The following CABLES1 variants were observed in gnomAD, a reference collection of about 807,000 sequenced individuals.
CABLES1 encodes CDK5 and ABL1 enzyme substrate 1.
A neutral mutation model predicts 57.8 loss-of-function variants in CABLES1; 36 were observed. The ratio of observed to expected loss-of-function variants is 0.62; its 90% CI spans 0.48 to 0.82. The LOEUF (loss-of-function observed/expected upper bound fraction) is 0.82. CABLES1 is among the 40% of genes least tolerant of loss of function. The pLI is 0.00. For synonymous variants in CABLES1, 374 were observed against 363.0 expected (o/e 1.03, Z -0.35); for missense variants, 767 against 836.6 (o/e 0.92, Z 1.03).
At chr18:23,237,074 T>G (rs2047623251) in intron 6 of CABLES1, 68 bp from the exon 7 acceptor site, 1 of 932,072 alleles carries the variant, frequency 1.1e-6, no homozygotes, top group Non-Finnish European at 1.8e-6. Flanking sequence ...GGCATTCTCC[T>G]GGCTGTCTCT....
intron 1 of CABLES1, among the ~76,000 whole-genome samples, chr18:23,139,116 G>A (rs1274187577): frequency 6.6e-6 from 1 of 151,862 alleles, no homozygotes; most frequent in African/African-American, 2.4e-5. Context: ...TTAGAATGTC[G>A]GGCCGGGTGT....
At chr18:23,248,053 A>T (rs1395900869) in intron 7 of CABLES1, among the ~76,000 whole-genome samples, 1 of 152,216 alleles carries the variant, frequency 6.6e-6, no homozygotes, top group Non-Finnish European at 1.5e-5. Context: ...TGTAAAAAAG[A>T]CAGAGCCTCT....
intron 9 of CABLES1, among the ~76,000 whole-genome samples, chr18:23,255,940 A>G (rs569042825): frequency 3.5e-4 from 54 of 152,304 alleles, no homozygotes; most frequent in African/African-American, 1.1e-3. Flanking sequence ...GTTGAGCAAT[A>G]TACCACACAG....
chr18:23,171,842 C>T (rs542973828), intron 1 of CABLES1, among the ~76,000 whole-genome samples: 5 of 152,330 alleles, frequency 3.3e-5, no homozygotes, highest in East Asian at 1.9e-4. Context: ...GCCTGCATTC[C>T]GAGCTCTGGC....
intron 3 of CABLES1, among the ~76,000 whole-genome samples, chr18:23,207,475 A>G (rs2047372489): frequency 6.6e-6 from 1 of 152,158 alleles, no homozygotes. Context: ...CACTTGCTCC[A>G]GGAAGCCCAC....
At chr18:23,165,698 G>A (rs1411326407) in intron 1 of CABLES1, among the ~76,000 whole-genome samples, 3 of 152,242 alleles carry the variant, frequency 2.0e-5, no homozygotes, top group Admixed American at 2.0e-4. Flanking sequence ...TCCTTTCTAA[G>A]GCTGAATATT....
rs891218592 is a variant in CABLES1, at chr18:23,225,433, CT to C, written c.1089-9163del. 1.4e-3 allele frequency among the ~76,000 whole-genome samples: 200 copies of C among 146,518 alleles called. 1 individual carries two copies. Among genetic ancestry groups the C allele is most frequent in the African/African-American group, 2.2e-3 (90 of 40,260 alleles). ...ACATTTTGGTCTATTTCCTTCCAGT[CT>C]TTTTTTTTTTTCTTAATGCATACAC... On this transcript the variant is annotated intron_variant, in intron 4 of 9. Transcript: ENST00000256925.
At chr18:23,221,362 C>T (rs1373349451) in intron 4 of CABLES1, among the ~76,000 whole-genome samples, 1 of 152,202 alleles carries the variant, frequency 6.6e-6, no homozygotes. Flanking sequence ...TTTAGGAATT[C>T]AAAGTCTTGC....
chr18:23,243,170 G>C (rs1219251476), intron 7 of CABLES1, among the ~76,000 whole-genome samples: 2 of 152,006 alleles, frequency 1.3e-5, no homozygotes, highest in African/African-American at 4.8e-5. Flanking sequence ...TGGATTTGTT[G>C]GGAAGCTAAT....
At chr18:23,193,978 C>A (rs1233302275) in intron 2 of CABLES1, among the ~76,000 whole-genome samples, 1 of 152,190 alleles carries the variant, frequency 6.6e-6, no homozygotes, top group African/African-American at 2.4e-5. Flanking sequence ...CTTAAGACAG[C>A]TGTCCAGGTA....
intron 7 of CABLES1, among the ~76,000 whole-genome samples, chr18:23,241,247 G>T (rs1397517113): frequency 2.6e-5 from 4 of 152,016 alleles, no homozygotes; most frequent in African/African-American, 9.7e-5. Context: ...TGGGCCACGT[G>T]CAGTGGATCA....
chr18:23,217,130 G>A (rs2047448064), intron 4 of CABLES1, among the ~76,000 whole-genome samples: 2 of 152,132 alleles, frequency 1.3e-5, no homozygotes, highest in African/African-American at 4.8e-5. Flanking sequence ...TGCCCAGGCT[G>A]GAATGCAGTG....
chr18:23,218,132 T>G (rs987382717), intron 4 of CABLES1, among the ~76,000 whole-genome samples: 16 of 152,176 alleles, frequency 1.1e-4, no homozygotes, highest in African/African-American at 3.4e-4. Context: ...AACAGGAATC[T>G]CGTAGTTCGT....
chr18:23,230,805 C>T (rs2337029), intron 4 of CABLES1, among the ~76,000 whole-genome samples: 8,297 of 152,252 alleles, frequency 0.054, 671 homozygotes, highest in Admixed American at 0.23. Context: ...GGCCTGGAAC[C>T]TACTGTAATG....
intron 1 of CABLES1, among the ~76,000 whole-genome samples, chr18:23,143,242 G>A (rs1238968463): frequency 2.0e-5 from 3 of 152,206 alleles, no homozygotes; most frequent in Non-Finnish European, 4.4e-5. Flanking sequence ...AGGGATTCCT[G>A]TGACTCTGGC....
At chr18:23,177,069 A>T (rs980497718) in intron 1 of CABLES1, among the ~76,000 whole-genome samples, 2 of 152,126 alleles carry the variant, frequency 1.3e-5, no homozygotes, top group African/African-American at 4.8e-5. Context: ...CCTTCTTCAA[A>T]TCCCACAGAG....
At position 23,258,178 on chromosome 18, in the gene CABLES1, TC is replaced by T. The variant is rs2048211952; in HGVS notation, c.*813del. On this transcript the variant is annotated 3_prime_UTR_variant, in exon 10 of 10. Transcript: ENST00000256925. ...ACGTGGAGCGTGGCGCTCTGTAACT[TC>T]CTGCCGTCTGCCACCCCGCCACGTG... 1 of 152,480 alleles carries T rather than the reference TC, an allele frequency of 6.6e-6. No homozygotes were observed. The highest frequency in any genetic ancestry group is 1.5e-5 in the Non-Finnish European group (1 of 68,052). 9.4% of individuals were successfully genotyped at this position (152,480 alleles called of 1,614,324 possible).
chr18:23,189,767 G>C (rs2047228128), intron 2 of CABLES1, among the ~76,000 whole-genome samples: 1 of 152,232 alleles, frequency 6.6e-6, no homozygotes, highest in Non-Finnish European at 1.5e-5. Flanking sequence ...TTCCTTCTGA[G>C]CCTGGCAGGG....
chr18:23,260,070 G>A lies in CABLES1; in HGVS notation c.*2703G>A, dbSNP rs1302877202. The A allele has an allele frequency of 6.6e-6, 1 of 152,192 alleles. No individual in the cohort carries two copies. Among genetic ancestry groups the A allele is most frequent in the Admixed American group, 6.5e-5 (1 of 15,282 alleles). 9.4% of individuals were successfully genotyped at this position (152,192 alleles called of 1,614,324 possible). ...AGACAGGAAGCAGACAAGCCAAGAG[G>A]TTGCTGCAGCTGCCCCCAGGAGGAA... On this transcript the variant is annotated 3_prime_UTR_variant, in exon 10 of 10. Transcript: ENST00000256925.
Sources: gnomAD v4.1 joint callset for allele counts (sites outside exome capture counted in the v4.1 genomes callset) on GRCh38, gnomAD v4.1.1 for gene constraint, MANE v1.5 for transcripts, NCBI Gene and HGNC (gene_info 2026-07-23, HGNC 2026-07-21) for gene names.